Variants in CFAP36 observed in about 807,000 individuals in gnomAD.
CFAP36 encodes the protein cilia and flagella associated protein 36.
A neutral mutation model predicts 50.5 loss-of-function variants in CFAP36; 37 were observed. The observed-to-expected ratio is 0.73, with a 90% confidence interval of 0.56 to 0.96. CFAP36 has a LOEUF of 0.96. Among genes scored for constraint, CFAP36 ranks in the 50% least tolerant of loss-of-function variants. The probability of loss-of-function intolerance (pLI) is 0.00; values close to 1 mark genes in which losing one functional copy is unlikely to be tolerated. For synonymous variants in CFAP36, 138 were observed against 128.2 expected (o/e 1.08, Z -0.52); for missense variants, 407 against 396.2 (o/e 1.03, Z -0.23).
intron 7 of CFAP36, chr2:55,538,650 C>T (rs191813433): frequency 3.9e-6 from 3 of 763,978 alleles, no homozygotes; most frequent in African/African-American, 3.6e-5. Context: ...CTGTGTTGCC[C>T]AGGCTGGGTC....
intron 1 of CFAP36, 114 bp downstream of exon 1, chr2:55,520,030 C>G (rs951637410): frequency 5.5e-6 from 5 of 913,874 alleles, no homozygotes; most frequent in Non-Finnish European, 8.5e-6. Context: ...GTCTCCACCC[C>G]TGTCGCAAGG....
intron 4 of CFAP36, among the ~76,000 whole-genome samples, chr2:55,530,761 T>C (rs937077020): frequency 3.9e-5 from 6 of 152,246 alleles, no homozygotes; most frequent in Non-Finnish European, 1.5e-5. Context: ...AATTTCTATG[T>C]CTTCGTTAGC....
At chr2:55,524,238 T>C (rs530959315) in intron 3 of CFAP36, among the ~76,000 whole-genome samples, 1 of 152,232 alleles carries the variant, frequency 6.6e-6, no homozygotes, top group Admixed American at 6.5e-5. Flanking sequence ...TAGTAATACA[T>C]ATGTTATAAA....
chr2:55,525,612 C>T (rs1375862883), intron 3 of CFAP36, among the ~76,000 whole-genome samples: 2 of 150,772 alleles, frequency 1.3e-5, no homozygotes, highest in African/African-American at 4.9e-5. Flanking sequence ...GTTCTACTGC[C>T]ATTCCAGGTA....
At chr2:55,526,592 C>T (rs1039919212) in intron 3 of CFAP36, among the ~76,000 whole-genome samples, 5 of 152,156 alleles carry the variant, frequency 3.3e-5, no homozygotes, top group Admixed American at 2.6e-4. Flanking sequence ...TAGGTGTGCA[C>T]CATTATGCCT....
intron 3 of CFAP36, 144 bp from the exon 4 acceptor site, chr2:55,528,734 A>C (rs1378221392): frequency 1.8e-6 from 1 of 564,004 alleles, no homozygotes; most frequent in Non-Finnish European, 3.2e-6. Flanking sequence ...TAAATTTTAA[A>C]ATTGTCCTTT....
At chr2:55,534,009 G>A in intron 5 of CFAP36, 49 bp downstream of exon 5, 1 of 1,131,890 alleles carries the variant, frequency 8.8e-7, no homozygotes, top group Non-Finnish European at 1.3e-6. Flanking sequence ...AATATTATAT[G>A]ATCTGTACAT....
chr2:55,538,363 C>T (rs1684547533), intron 7 of CFAP36, among the ~76,000 whole-genome samples: 1 of 145,242 alleles, frequency 6.9e-6, no homozygotes. Context: ...GGTGTGATCT[C>T]GGCTCACCAT....
chr2:55,544,096 A>C lies in CFAP36; in HGVS notation c.777+22A>C, dbSNP rs201403227. 169 of 1,612,884 alleles carry C rather than the reference A, an allele frequency of 1.0e-4. No individual in the cohort carries two copies. In the African/African-American group the frequency reaches 1.1e-3, roughly 10 times the overall value. ...AGCAGTAAGTAAACGACATCACTTA[A>C]GAACTATAAGCAAAATGACAAGGTA... On this transcript the variant is annotated intron_variant, in intron 8 of 9. Transcript: ENST00000349456.
At chr2:55,538,912 C>T in intron 7 of CFAP36, 2 of 1,445,194 alleles carry the variant, frequency 1.4e-6, no homozygotes, top group Non-Finnish European at 1.8e-6. Context: ...GTGATGTTTA[C>T]CCATTAATTT....
chr2:55,523,043 A>G (rs1452675115), intron 2 of CFAP36, among the ~76,000 whole-genome samples: 2 of 149,622 alleles, frequency 1.3e-5, no homozygotes, highest in Non-Finnish European at 3.0e-5. Context: ...GGCTGCAGTG[A>G]GCCATTACTG....
At chr2:55,538,030 G>A (rs1486193898) in intron 7 of CFAP36, among the ~76,000 whole-genome samples, 1 of 152,114 alleles carries the variant, frequency 6.6e-6, no homozygotes, top group Non-Finnish European at 1.5e-5. Context: ...CCAGATATTT[G>A]GTCAGAAATC....
chr2:55,522,892 C>T (rs1052174061), intron 2 of CFAP36, among the ~76,000 whole-genome samples: 5 of 152,086 alleles, frequency 3.3e-5, no homozygotes, highest in Admixed American at 2.6e-4. Flanking sequence ...CCAAGGAGTT[C>T]GAGACCAGCC....
chr2:55,524,753 G>A (rs1343728875), intron 3 of CFAP36, among the ~76,000 whole-genome samples: 13 of 151,672 alleles, frequency 8.6e-5, no homozygotes, highest in East Asian at 5.9e-4. Flanking sequence ...AGGCCGAGGC[G>A]GGCAGATCAC....
At chr2:55,528,348 C>T (rs1315199278) in intron 3 of CFAP36, among the ~76,000 whole-genome samples, 1 of 151,408 alleles carries the variant, frequency 6.6e-6, no homozygotes, top group African/African-American at 2.4e-5. Context: ...TTTTTTTAAA[C>T]AACTTTATTG....
In CFAP36 at chr2:55,533,321, T is replaced by A. The variant is rs543752277; in HGVS notation, c.398-552T>A. Among the ~76,000 whole-genome samples, 182 of 152,278 alleles carry A rather than the reference T, an allele frequency of 1.2e-3. 1 individual carries two copies. The highest frequency in any genetic ancestry group is 4.4e-3 in the African/African-American group (181 of 41,558). On this transcript the variant is annotated intron_variant, in intron 4 of 9. Coordinates refer to ENST00000349456, the MANE Select transcript of CFAP36 (RefSeq NM_080667.7). ...ATACATTGTTATTTTTAATTGCCAA[T>A]AAAATAATTACTAAGAGATATTTGT...
At chr2:55,531,931 A>G (rs1368752403) in intron 4 of CFAP36, among the ~76,000 whole-genome samples, 1 of 152,236 alleles carries the variant, frequency 6.6e-6, no homozygotes, top group Non-Finnish European at 1.5e-5. Flanking sequence ...GGAATGATGT[A>G]GAATAATGAC....
intron 6 of CFAP36, among the ~76,000 whole-genome samples, chr2:55,536,654 G>A (rs1353707056): frequency 6.6e-6 from 1 of 152,094 alleles, no homozygotes. Context: ...GTTTCACCAT[G>A]TTGGCCAAGC....
intron 3 of CFAP36, among the ~76,000 whole-genome samples, chr2:55,524,198 T>C (rs1046963554): frequency 6.6e-6 from 1 of 152,218 alleles, no homozygotes; most frequent in African/African-American, 2.4e-5. Context: ...ACTTGTATTA[T>C]CTTACTGGTT....
Sources: gnomAD v4.1 joint callset for allele counts (sites outside exome capture counted in the v4.1 genomes callset) on GRCh38, gnomAD v4.1.1 for gene constraint, MANE v1.5 for transcripts, NCBI Gene and HGNC (gene_info 2026-07-23, HGNC 2026-07-21) for gene names.